ABCB8: variants seen among roughly 807,000 people sequenced by gnomAD.
ABCB8 encodes mitochondrial potassium channel ATP-binding subunit.
ABCB8 carries 52 observed loss-of-function variants against 73.0 expected under a neutral mutation model. The observed-to-expected ratio is 0.71, with a 90% CI of 0.57 to 0.90. The LOEUF is 0.90. Among genes scored for constraint, ABCB8 ranks in the 40% least tolerant of loss-of-function variants. The pLI is 0.00. For missense variants in ABCB8, 909 were observed against 974.6 expected (o/e 0.93, Z 0.90); for synonymous variants, 428 against 423.5 (o/e 1.01, Z -0.13).
At position 151,037,797 on chromosome 7, in the gene ABCB8, C is replaced by T. The variant is rs1482727674; in HGVS notation, c.1217+1148C>T. 7.7e-5 allele frequency: 13 copies of T among 169,032 alleles called. No individual in the cohort carries two copies. The South Asian group carries it at 1.2e-3, about 15-fold the overall frequency. The allele number at this position is 169,032 out of a possible 1,614,324, so 10.5% of individuals were successfully genotyped here. A position where few individuals can be genotyped will look rare whatever the true frequency, so the allele number is the denominator to read the frequency against. On this transcript the variant is annotated intron_variant, in intron 9 of 15. Transcript: ENST00000358849. ...GTGTACTGTCCCAGGAAGCGGGAGG[C>T]GGACGGAGACAGGCTCCCATTTTCA...
chr7:151,037,047 C>T (rs1038455689), intron 9 of ABCB8: 1 of 689,052 alleles, frequency 1.5e-6, no homozygotes, highest in Non-Finnish European at 2.7e-6. Context: ...CACCGTCCGC[C>T]TCCAGAACTC....
At chr7:151,031,551 C>G in intron 1 of ABCB8, 1 of 371,446 alleles carries the variant, frequency 2.7e-6, no homozygotes, top group South Asian at 5.2e-5. Flanking sequence ...TCTTCTAGAT[C>G]TCACCATCCT....
Position 151,046,787 on chromosome 7 carries a change from G to C in ABCB8, c.*1438G>C, listed in dbSNP as rs1267163700. 2 of 152,354 alleles carry C rather than the reference G, an allele frequency of 1.3e-5. No individual in the cohort carries two copies. Among genetic ancestry groups the C allele is most frequent in the Non-Finnish European group, 2.9e-5 (2 of 68,138 alleles). 9.4% of individuals were successfully genotyped at this position (152,354 alleles called of 1,614,324 possible). A position where few individuals can be genotyped will look rare whatever the true frequency, so the allele number is the denominator to read the frequency against. On this transcript the variant is annotated 3_prime_UTR_variant, in exon 16 of 16. Transcript: ENST00000358849. Reference sequence around the variant, plus strand: ...CTGGGAGGCCAGCCTGGAAGAGGCAGCAGTGGCTCAAGTTTGCGTGCAGGA... The same window carrying C: ...CTGGGAGGCCAGCCTGGAAGAGGCACCAGTGGCTCAAGTTTGCGTGCAGGA...
At chr7:151,041,507 A>C (rs1796464669) in intron 13 of ABCB8, among the ~76,000 whole-genome samples, 1 of 152,154 alleles carries the variant, frequency 6.6e-6, no homozygotes. Context: ...TTCTCTGCAA[A>C]TCCCATAGCA....
chr7:151,029,058 T>A (rs939394893), intron 1 of ABCB8: 2 of 1,097,212 alleles, frequency 1.8e-6, no homozygotes, highest in Non-Finnish European at 2.3e-6. Context: ...GCGCGGTGGC[T>A]CGCTCCTGTA....
chr7:151,037,718 T>C (rs1584952570), intron 9 of ABCB8: 1 of 304,520 alleles, frequency 3.3e-6, no homozygotes, highest in East Asian at 8.8e-5. Flanking sequence ...CTCGCCCTGC[T>C]GCATGGTGCA....
At chr7:151,036,414 C>A in intron 8 of ABCB8, 130 bp from the exon 9 acceptor site, 1 of 957,784 alleles carries the variant, frequency 1.0e-6, no homozygotes, top group Non-Finnish European at 1.6e-6. Flanking sequence ...ACTTGCTCTT[C>A]CGAGGAGGAA....
rs1245018235 is a variant in ABCB8, at chr7:151,036,021, A to T, written c.1014-52A>T. ...CAGAGATGCCCCCCACACCCTGCCA[A>T]CCCTTCGTGCCAGCCCAGCTGCCTC... is the stretch of plus-strand genomic sequence containing the variant. On this transcript the variant is annotated intron_variant, in intron 7 of 15. Coordinates refer to ENST00000358849, the MANE Select transcript of ABCB8 (RefSeq NM_007188.5). 1.9e-6 allele frequency: 3 copies of T among 1,612,666 alleles called. No homozygotes were observed. In the African/African-American group the frequency reaches 4.0e-5, roughly 22 times the overall value.
At position 151,033,728 on chromosome 7, in the gene ABCB8, G is replaced by C. The variant is rs993609864; in HGVS notation, c.219G>C (p.Trp73Cys). ...APRWSPSAWC[W>C]VGGALLGPMV... Reference sequence around the variant, plus strand: ...GATGGAGCCCCTCTGCCTGGTGCTGGGTTGGGGGAGCCCTGCTAGGCCCCA... The same window carrying C: ...GATGGAGCCCCTCTGCCTGGTGCTGCGTTGGGGGAGCCCTGCTAGGCCCCA... Residue 73 changes from tryptophan (W) to cysteine (C), a missense_variant, in exon 2 of 16, where the codon TGG becomes TGC. By Grantham distance (215) the Trp-to-Cys change is radical. Transcript: ENST00000358849. 4 of 1,613,840 alleles carry C rather than the reference G, an allele frequency of 2.5e-6. No individual in the cohort carries two copies. In the African/African-American group the frequency reaches 5.3e-5, roughly 22 times the overall value.
intron 1 of ABCB8, chr7:151,031,169 A>T: frequency 1.0e-6 from 1 of 971,974 alleles, no homozygotes; most frequent in South Asian, 1.4e-5. Context: ...ACAAGCATAA[A>T]CATTTGCGGA....
At chr7:151,037,504 T>A (rs750593863) in intron 9 of ABCB8, 98 of 600,046 alleles carry the variant, frequency 1.6e-4, no homozygotes, top group Non-Finnish European at 2.4e-4. Flanking sequence ...TCCCCCCTCC[T>A]ATCTCTTTCC....
At chr7:151,031,273 T>TA (rs1420712964) in intron 1 of ABCB8, 1 of 1,555,634 alleles carries the variant, frequency 6.4e-7, no homozygotes, top group African/African-American at 1.4e-5. Flanking sequence ...ACTGGACAGT[T>TA]ACACAAGGCA....
In ABCB8 at chr7:151,040,939, A is replaced by C. The variant is rs374625655; in HGVS notation, c.1483+17A>C. 6.3e-7 allele frequency: 1 copy of C among 1,597,280 alleles called. No homozygotes were observed. Among genetic ancestry groups the C allele is most frequent in the Non-Finnish European group, 8.5e-7 (1 of 1,171,536 alleles). ...CTGGCGGAGGTAAGGGGAGCCCACC[A>C]CCTCTTCACCCTCTGACTCTTCTCT... On this transcript the variant is annotated intron_variant, in intron 12 of 15. Transcript: ENST00000358849.
intron 1 of ABCB8, chr7:151,031,401 AG>A: frequency 1.4e-6 from 2 of 1,396,062 alleles, no homozygotes; most frequent in Non-Finnish European, 1.9e-6. Context: ...CAAAAGGCAC[AG>A]GCCTTCCTGA....
At chr7:151,031,531 C>G (rs946621382) in intron 1 of ABCB8, 2 of 445,958 alleles carry the variant, frequency 4.5e-6, no homozygotes, top group African/African-American at 2.0e-5. Flanking sequence ...CATCAGTAAG[C>G]TTATCTAGAT....
rs758652635 is a variant in ABCB8 at position 151,034,252 on chromosome 7, C to G, written c.409-21C>G. 3.8e-6 allele frequency: 6 copies of G among 1,598,998 alleles called. No individual in the cohort carries two copies. In the African/African-American group the frequency reaches 5.4e-5, roughly 14 times the overall value. ...GGCTCCCCCACTTAAAACATTTGTG[C>G]CCTCTGTCTCCCCATTCCAGCTGGC... On this transcript the variant is annotated intron_variant, in intron 2 of 15. Transcript: ENST00000358849.
In ABCB8 at chr7:151,033,891, C is replaced by A. The variant is rs1461733385; in HGVS notation, c.382C>A (p.Leu128Met). Residue 128 changes from leucine to methionine, a missense_variant, in exon 2 of 16, where the codon CTG becomes ATG. Coordinates refer to ENST00000358849, the MANE Select transcript of ABCB8 (RefSeq NM_007188.5). ...CTTCTGGCAGTTTCTGCACCCCCACCTGCTGGTCCTGGGGGTAGCCGTCGT... is the reference window on the plus strand; with the variant it reads ...CTTCTGGCAGTTTCTGCACCCCCACATGCTGGTCCTGGGGGTAGCCGTCGT... ...KLFWQFLHPH[L>M]LVLGVAVVLA... 32 of 1,606,460 alleles carry A rather than the reference C, an allele frequency of 2.0e-5. No homozygotes were observed. Among genetic ancestry groups the A allele is most frequent in the Non-Finnish European group, 2.7e-5 (32 of 1,175,252 alleles).
intron 15 of ABCB8, among the ~76,000 whole-genome samples, chr7:151,044,780 G>A (rs182882529): frequency 6.6e-6 from 1 of 152,312 alleles, no homozygotes; most frequent in East Asian, 1.9e-4. Flanking sequence ...GTATGGTGCT[G>A]GGAGCAAGGA....
chr7:151,043,636 G>A (rs1048778065), intron 14 of ABCB8, among the ~76,000 whole-genome samples: 5 of 145,684 alleles, frequency 3.4e-5, no homozygotes, highest in Non-Finnish European at 7.5e-5. Context: ...AAGGTGGAGG[G>A]TCAGAGGCAG....
Sources: gnomAD v4.1 joint callset for allele counts (sites outside exome capture counted in the v4.1 genomes callset) on GRCh38, gnomAD v4.1.1 for gene constraint, MANE v1.5 for transcripts, NCBI Gene and HGNC (gene_info 2026-07-23, HGNC 2026-07-21) for gene names.